LPAR6: variants seen among roughly 807,000 people sequenced by gnomAD.
LPAR6 encodes the protein G-protein coupled purinergic receptor P2Y5.
Under a neutral mutation model 22.0 loss-of-function variants are expected in LPAR6, and 17 were observed. The ratio of observed to expected loss-of-function variants is 0.77; its 90% CI spans 0.53 to 1.16. The LOEUF (loss-of-function observed/expected upper bound fraction) is 1.16, where lower values mean the gene tolerates loss of function less well. Among genes scored for constraint, LPAR6 ranks in the 50% most tolerant of loss-of-function variants. LPAR6 has a pLI of 0.00. For synonymous variants in LPAR6, 136 were observed against 139.8 expected, an observed-to-expected ratio of 0.97 and a Z score of 0.19; for missense variants, 384 against 406.9, an observed-to-expected ratio of 0.94 and a Z score of 0.48.
upstream of LPAR6, among the ~76,000 whole-genome samples, chr13:48,417,474 A>C (rs577488455): frequency 6.6e-6 from 1 of 152,280 alleles, no homozygotes; most frequent in African/African-American, 2.4e-5. Flanking sequence ...ATGAGGAAAA[A>C]CCAGCGCAAA....
chr13:48,404,424 A>G (rs1370588717), intron 1 of LPAR6, among the ~76,000 whole-genome samples: 1 of 116,224 alleles, frequency 8.6e-6, no homozygotes, highest in Non-Finnish European at 1.8e-5. Flanking sequence ...GGAGGAGAGA[A>G]AATAATAAAA....
intron 1 of LPAR6, among the ~76,000 whole-genome samples, chr13:48,442,744 T>C (rs1314352610): frequency 3.3e-5 from 5 of 152,198 alleles, no homozygotes; most frequent in African/African-American, 1.2e-4. Flanking sequence ...TCAGACATCC[T>C]CAAGTAAACC....
chr13:48,397,168 T>C lies in LPAR6; in HGVS notation n.115-7356A>G, dbSNP rs146372514. ...GAGCATATACCCAAAGGATTATAAA[T>C]CATTCTACTAAAAAGAACATGCACA... is the stretch of plus-strand genomic sequence containing the variant. On this transcript the variant is annotated intron_variant and non_coding_transcript_variant, in intron 1 of 1. Transcript: ENST00000462781. Among the ~76,000 whole-genome samples the C allele has an allele frequency of 5.2e-3, 785 of 152,266 alleles. 4 individuals carry two copies. The highest frequency in any genetic ancestry group is 8.2e-3 in the Non-Finnish European group (556 of 68,024).
At chr13:48,408,544 C>A (rs1032561775), downstream of LPAR6, 1 of 152,002 alleles carries the variant, frequency 6.6e-6, no homozygotes, top group Non-Finnish European at 1.5e-5. Flanking sequence ...AAAGTAAAAT[C>A]ATCAGAGTTC....
chr13:48,443,745 T>C (rs1166967201), intron 1 of LPAR6, among the ~76,000 whole-genome samples: 1 of 152,202 alleles, frequency 6.6e-6, no homozygotes, highest in Non-Finnish European at 1.5e-5. Flanking sequence ...CCTCCTTAAA[T>C]TTTCCATCTT....
At chr13:48,436,970 G>T (rs184708543) in intron 1 of LPAR6, among the ~76,000 whole-genome samples, 243 of 152,238 alleles carry the variant, frequency 1.6e-3, no homozygotes, top group African/African-American at 5.5e-3. Context: ...TACTTACTTT[G>T]ATAATCAGAA....
At chr13:48,394,641 T>C (rs1948634257) in intron 1 of LPAR6, among the ~76,000 whole-genome samples, 1 of 152,198 alleles carries the variant, frequency 6.6e-6, no homozygotes, top group African/African-American at 2.4e-5. Flanking sequence ...AAGTTCAAAC[T>C]GGGCAGAGCC....
intron 2 of LPAR6, chr13:48,422,599 A>G (rs1479071496): frequency 6.6e-6 from 1 of 152,160 alleles, no homozygotes; most frequent in Non-Finnish European, 1.5e-5. Flanking sequence ...ATAGTGTATC[A>G]GCTTTGGCAA....
upstream of LPAR6, among the ~76,000 whole-genome samples, chr13:48,414,134 G>A (rs1948866624): frequency 6.6e-6 from 1 of 152,132 alleles, no homozygotes; most frequent in Admixed American, 6.5e-5. Context: ...GATCACCTGA[G>A]ATCAGGAGTT....
rs1445203174 is a variant in LPAR6, at chr13:48,411,692, A to C, written c.732T>G (p.Pro244=). ...HLIIFCFCFV[P]YNINLILYSL... Reference sequence around the variant, plus strand: ...AATATAAAATAAGATTGATATTGTAAGGAACAAAACAGAAACAGAATATGA... The same window carrying C: ...AATATAAAATAAGATTGATATTGTACGGAACAAAACAGAAACAGAATATGA... Residue 244 remains proline, a synonymous_variant, in exon 1 of 1, where the codon CCT becomes CCG. Transcript: ENST00000620633. 10 of 1,609,172 alleles carry C rather than the reference A, an allele frequency of 6.2e-6. No homozygotes were observed. The highest frequency in any genetic ancestry group is 8.5e-6 in the Non-Finnish European group (10 of 1,175,730).
intron 1 of LPAR6, among the ~76,000 whole-genome samples, chr13:48,443,262 G>T (rs1433672651): frequency 6.6e-6 from 1 of 151,352 alleles, no homozygotes; most frequent in East Asian, 1.9e-4. Context: ...TTCAGTAAAT[G>T]GATAAAGCTG....
At chr13:48,410,784 T>G (rs1045376534), downstream of LPAR6, among the ~76,000 whole-genome samples, 14 of 152,156 alleles carry the variant, frequency 9.2e-5, no homozygotes, top group Admixed American at 2.6e-4. Context: ...ACAAATTGCC[T>G]ACACAGACCA....
intron 1 of LPAR6, among the ~76,000 whole-genome samples, chr13:48,442,726 C>G (rs1322345581): frequency 6.6e-6 from 1 of 152,150 alleles, no homozygotes; most frequent in Non-Finnish European, 1.5e-5. Context: ...CCTCCCAGAG[C>G]TGGTATATCA....
At chr13:48,415,179 T>G (rs550738210), upstream of LPAR6, among the ~76,000 whole-genome samples, 106 of 152,296 alleles carry the variant, frequency 7.0e-4, 2 homozygotes, top group South Asian at 0.021. Flanking sequence ...TAATTAAAAT[T>G]TATTAATTCT....
At chr13:48,391,105 A>G (rs1023842517) in intron 1 of LPAR6, among the ~76,000 whole-genome samples, 5 of 151,938 alleles carry the variant, frequency 3.3e-5, no homozygotes, top group Non-Finnish European at 7.4e-5. Flanking sequence ...TTGTAGGCTT[A>G]CTGTCTATAC....
chr13:48,398,873 T>A (rs369795083), intron 1 of LPAR6, among the ~76,000 whole-genome samples: 1 of 152,114 alleles, frequency 6.6e-6, no homozygotes, highest in Admixed American at 6.5e-5. Context: ...GGGAAGTGTT[T>A]TGCCTAGGAG....
chr13:48,411,362 G>A lies in LPAR6; in HGVS notation c.*27C>T. ...ACAGTTGAAGGAACTTGAAAGTTCT[G>A]TCCCAGTGAGTCCTAATGGTTTTAT... On this transcript the variant is annotated 3_prime_UTR_variant, in exon 1 of 1. Coordinates refer to ENST00000620633, the MANE Select transcript of LPAR6 (RefSeq NM_001162498.3). The A allele has an allele frequency of 1.3e-6, 2 of 1,567,948 alleles. No individual in the cohort carries two copies. The highest frequency in any genetic ancestry group is 1.8e-6 in the Non-Finnish European group (2 of 1,141,308).
intron 1 of LPAR6, among the ~76,000 whole-genome samples, chr13:48,402,642 G>T (rs1025107248): frequency 1.3e-5 from 2 of 152,004 alleles, no homozygotes; most frequent in Admixed American, 6.6e-5. Flanking sequence ...TTCCCAAAGT[G>T]CTGGGATTAG....
At chr13:48,401,040 T>A (rs1418739355) in intron 1 of LPAR6, among the ~76,000 whole-genome samples, 1 of 152,128 alleles carries the variant, frequency 6.6e-6, no homozygotes, top group Non-Finnish European at 1.5e-5. Flanking sequence ...GTGTTCACTG[T>A]TATATTACAG....
Sources: allele counts gnomAD v4.1 joint callset (sites outside exome capture counted in the v4.1 genomes callset), GRCh38; gene constraint gnomAD v4.1.1; transcripts MANE v1.5; gene names NCBI Gene and HGNC (gene_info 2026-07-23, HGNC 2026-07-21).